GRIN2B: variants seen among roughly 807,000 people sequenced by gnomAD.
The protein encoded by GRIN2B is glutamate ionotropic receptor NMDA type subunit 2B.
Under a neutral mutation model 114.5 loss-of-function variants are expected in GRIN2B, and 5 were observed. That is an observed-to-expected ratio of 0.04 (90% CI 0.02 to 0.09). The LOEUF is 0.09. GRIN2B is among the 10% of genes least tolerant of loss of function. GRIN2B has a pLI of 1.00. For missense variants in GRIN2B, 1,108 were observed against 1,943.5 expected (o/e 0.57, Z 8.08); for synonymous variants, 787 against 745.1 (o/e 1.06, Z -0.92).
At chr12:13,892,220 T>C (rs1866274207) in intron 2 of GRIN2B, among the ~76,000 whole-genome samples, 1 of 152,160 alleles carries the variant, frequency 6.6e-6, no homozygotes, top group Non-Finnish European at 1.5e-5. Context: ...GATCCTTAAA[T>C]TAAAACCTTC....
chr12:13,826,352 T>C (rs535311069), intron 3 of GRIN2B, among the ~76,000 whole-genome samples: 16 of 152,234 alleles, frequency 1.1e-4, no homozygotes, highest in African/African-American at 3.9e-4. Context: ...ATGCCTGTAA[T>C]CTCAGCTACT....
chr12:13,582,244 A>G (rs1481025234), intron 10 of GRIN2B, among the ~76,000 whole-genome samples: 1 of 152,240 alleles, frequency 6.6e-6, no homozygotes, highest in Non-Finnish European at 1.5e-5. Context: ...TAAGAGGAAT[A>G]AATAATTATT....
intron 2 of GRIN2B, among the ~76,000 whole-genome samples, chr12:13,911,172 T>C (rs190139067): frequency 6.4e-4 from 98 of 152,188 alleles, no homozygotes; most frequent in Non-Finnish European, 9.0e-4. Context: ...AATTCATTTT[T>C]GTATCTCGAA....
intron 10 of GRIN2B, among the ~76,000 whole-genome samples, chr12:13,572,230 C>T (rs1948717343): frequency 6.6e-6 from 1 of 152,106 alleles, no homozygotes; most frequent in South Asian, 2.1e-4. Flanking sequence ...ATCTATAACC[C>T]TTCTATGTTC....
intron 3 of GRIN2B, among the ~76,000 whole-genome samples, chr12:13,808,538 G>A (rs1034922948): frequency 6.6e-6 from 1 of 150,722 alleles, no homozygotes; most frequent in African/African-American, 2.4e-5. Context: ...GGTGGGAATT[G>A]AACAAGGAGA....
chr12:13,636,745 A>G (rs1949669535), intron 5 of GRIN2B, among the ~76,000 whole-genome samples: 1 of 152,194 alleles, frequency 6.6e-6, no homozygotes, highest in Non-Finnish European at 1.5e-5. Flanking sequence ...AGTTATTGAT[A>G]CCAGACAGCT....
chr12:13,676,393 T>C (rs1354658045), intron 4 of GRIN2B, among the ~76,000 whole-genome samples: 1 of 152,114 alleles, frequency 6.6e-6, no homozygotes, highest in Non-Finnish European at 1.5e-5. Flanking sequence ...AAGTTCAGCC[T>C]AGAGGTATGA....
chr12:13,921,888 A>G (rs1429580849), intron 2 of GRIN2B, among the ~76,000 whole-genome samples: 1 of 152,152 alleles, frequency 6.6e-6, no homozygotes, highest in East Asian at 1.9e-4. Context: ...GGATAGGCAG[A>G]TAAGTATGTA....
chr12:13,857,814 C>T (rs536399015), intron 3 of GRIN2B, among the ~76,000 whole-genome samples: 20 of 152,278 alleles, frequency 1.3e-4, no homozygotes, highest in Admixed American at 9.8e-4. Flanking sequence ...ATTGTTTGGG[C>T]TCATGAAATC....
At chr12:13,935,277 A>C (rs1867106617) in intron 2 of GRIN2B, among the ~76,000 whole-genome samples, 1 of 152,220 alleles carries the variant, frequency 6.6e-6, no homozygotes, top group South Asian at 2.1e-4. Context: ...ATAGTTAGTA[A>C]CTGCTATGCT....
chr12:13,671,871 C>A (rs925224177), intron 5 of GRIN2B, among the ~76,000 whole-genome samples: 4 of 152,114 alleles, frequency 2.6e-5, no homozygotes, highest in Non-Finnish European at 5.9e-5. Context: ...AAGCATCCAT[C>A]CTGGTGTGAA....
rs763372245 is a variant in GRIN2B, at chr12:13,563,189, G to A, written c.4049C>T (p.Ala1350Val). 5 of 1,614,096 alleles carry A rather than the reference G, an allele frequency of 3.1e-6. No homozygotes were observed. Among genetic ancestry groups the A allele is most frequent in the Non-Finnish European group, 3.4e-6 (4 of 1,180,060 alleles). The change falls in exon 14 of 14, where the codon GCC becomes GTC. Residue 1350 changes from alanine to valine, a missense_variant. By Grantham distance (64) the Ala-to-Val change is moderately conservative. Coordinates refer to ENST00000609686, the MANE Select transcript of GRIN2B (RefSeq NM_000834.5). ...AGTGGGCACTGAGGACTTGTTGTTG[G>A]CAAAGGTGCTCTCGCCAGCTGACAT... ...FEMSAGESTF[A>V]NNKSSVPTAG...
At chr12:13,700,788 GTTAAC>G (rs1208565316) in intron 4 of GRIN2B, among the ~76,000 whole-genome samples, 1 of 152,172 alleles carries the variant, frequency 6.6e-6, no homozygotes, top group African/African-American at 2.4e-5. Flanking sequence ...AATAAGTGTT[GTTAAC>G]TTAACACAAT....
rs888320389 is a variant in GRIN2B at position 13,861,817 on chromosome 12, T to G, written c.411+3981A>C. 1.6e-4 allele frequency among the ~76,000 whole-genome samples: 24 copies of G among 152,140 alleles called. 1 individual carries two copies. The highest frequency in any genetic ancestry group is 1.5e-5 in the Non-Finnish European group (1 of 68,024). On this transcript the variant is annotated intron_variant, in intron 3 of 13. Coordinates refer to ENST00000609686, the MANE Select transcript of GRIN2B (RefSeq NM_000834.5). ...TACAATGGTCCATGCTGCTTTTCGA[T>G]TCTCATTCTTTTCCTGCATCATGAT... is the stretch of plus-strand genomic sequence containing the variant.
chr12:13,744,527 G>T (rs2268122), intron 4 of GRIN2B, among the ~76,000 whole-genome samples: 19,936 of 152,102 alleles, frequency 0.13, 1,965 homozygotes, highest in East Asian at 0.32. Context: ...GAAGAGAGGG[G>T]CAGCAAAAGA....
At chr12:13,629,599 A>G (rs1949600442) in intron 5 of GRIN2B, among the ~76,000 whole-genome samples, 1 of 150,756 alleles carries the variant, frequency 6.6e-6, no homozygotes, top group South Asian at 2.1e-4. Context: ...CCCACGTTTC[A>G]CCCTTTCTCC....
intron 3 of GRIN2B, among the ~76,000 whole-genome samples, chr12:13,793,924 T>C (rs1340421719): frequency 6.7e-6 from 1 of 149,618 alleles, no homozygotes; most frequent in Non-Finnish European, 1.5e-5. Context: ...AAAAAGGGCC[T>C]AGTGCAGTGG....
At chr12:13,868,486 A>G (rs1865860022) in intron 2 of GRIN2B, among the ~76,000 whole-genome samples, 1 of 151,756 alleles carries the variant, frequency 6.6e-6, no homozygotes, top group African/African-American at 2.4e-5. Flanking sequence ...ACACAGTTCA[A>G]TTCCAATGAC....
chr12:13,614,341 C>A (rs1417922779), intron 8 of GRIN2B, among the ~76,000 whole-genome samples: 2 of 152,178 alleles, frequency 1.3e-5, no homozygotes, highest in African/African-American at 4.8e-5. Context: ...CAGGGGCTTA[C>A]AGCTTGTTTA....
Sources: allele counts gnomAD v4.1 joint callset (sites outside exome capture counted in the v4.1 genomes callset), GRCh38; gene constraint gnomAD v4.1.1; transcripts MANE v1.5; gene names NCBI Gene and HGNC (gene_info 2026-07-23, HGNC 2026-07-21).